RASSF5: variants seen among roughly 807,000 people sequenced by gnomAD.
The protein encoded by RASSF5 is ras association domain-containing protein 5.
A neutral mutation model predicts 40.5 loss-of-function variants in RASSF5; 25 were observed. The observed-to-expected ratio is 0.62, with a 90% CI of 0.45 to 0.86. The LOEUF (loss-of-function observed/expected upper bound fraction) is 0.86, where lower values mean the gene tolerates loss of function less well. RASSF5 is among the 40% of genes least tolerant of loss of function. The pLI is 0.00. For missense variants in RASSF5, 521 were observed against 572.8 expected (o/e 0.91, Z 0.92); for synonymous variants, 246 against 252.4 (o/e 0.97, Z 0.24).
At chr1:206,585,601 C>T (rs1553407483) in intron 5 of RASSF5, 1 of 238,052 alleles carries the variant, frequency 4.2e-6, no homozygotes, top group African/African-American at 2.2e-5. Context: ...TGCTCAGGCA[C>T]AGGCTGTTTT....
Position 206,587,227 on chromosome 1 carries a change from C to T in RASSF5, c.*249C>T, listed in dbSNP as rs538147248. ...GAACTCATGTGAAACAAACAGCTGA[C>T]GTCCTCTCTCGATCTGCAAGCCTTT... On this transcript the variant is annotated 3_prime_UTR_variant, in exon 6 of 6. Coordinates refer to ENST00000579436, the MANE Select transcript of RASSF5 (RefSeq NM_182663.4). 7.9e-4 allele frequency: 357 copies of T among 452,174 alleles called. 5 individuals carry two copies. The highest frequency in any genetic ancestry group is 7.2e-3 in the South Asian group (343 of 47,930). The allele number at this position is 452,174 out of a possible 1,614,324, so 28.0% of individuals were successfully genotyped here. A position where few individuals can be genotyped will look rare whatever the true frequency, so the allele number is the denominator to read the frequency against.
intron 5 of RASSF5, 91 bp downstream of exon 5, chr1:206,585,386 A>G (rs1019462464): frequency 1.1e-6 from 1 of 889,862 alleles, no homozygotes; most frequent in Non-Finnish European, 1.9e-6. Context: ...CATAGGTGGG[A>G]GCCACGCAGC....
intron 2 of RASSF5, among the ~76,000 whole-genome samples, chr1:206,553,167 A>G (rs376227956): frequency 6.8e-4 from 103 of 152,216 alleles, no homozygotes; most frequent in African/African-American, 2.2e-3. Context: ...GCGCCACTGC[A>G]CTCCAGCCTG....
chr1:206,516,994 G>A (rs568720839), intron 1 of RASSF5, among the ~76,000 whole-genome samples: 2 of 152,278 alleles, frequency 1.3e-5, no homozygotes, highest in African/African-American at 4.8e-5. Flanking sequence ...AGGTTGCTTG[G>A]TAAACTAGAG....
At position 206,535,134 on chromosome 1, in the gene RASSF5, T is replaced by C. The variant is rs1455441762; in HGVS notation, c.458-3038T>C. Among the ~76,000 whole-genome samples, 1 of 151,724 alleles carries C rather than the reference T, an allele frequency of 6.6e-6. No individual in the cohort carries two copies. Among genetic ancestry groups the C allele is most frequent in the Non-Finnish European group, 1.5e-5 (1 of 67,930 alleles). The stretch of plus-strand genomic sequence containing the variant: ...AGGAGACTGAGGTGAGCCCGGGAGG[T>C]GGAGTTTGCAGAGAGCCACGATAGT... On this transcript the variant is annotated intron_variant, in intron 1 of 5. Transcript: ENST00000579436. The surrounding 1 kb of genome is among the most constrained non-coding windows in gnomAD (Gnocchi z 5.0).
chr1:206,521,664 C>T (rs987789544), intron 1 of RASSF5, among the ~76,000 whole-genome samples: 1 of 152,228 alleles, frequency 6.6e-6, no homozygotes, highest in Non-Finnish European at 1.5e-5. Context: ...TTTGCCCCTT[C>T]TCAGAGATGA....
rs1456868635 is a variant in RASSF5 at position 206,587,386 on chromosome 1, C to T, written c.*408C>T. ...CCTCTTTGAGTTCTCTTACTTGCCACGTACAGGACCATTATTTATGAGTGA... is the reference window on the plus strand; with the variant it reads ...CCTCTTTGAGTTCTCTTACTTGCCATGTACAGGACCATTATTTATGAGTGA... On this transcript the variant is annotated 3_prime_UTR_variant, in exon 6 of 6. Coordinates refer to ENST00000579436, the MANE Select transcript of RASSF5 (RefSeq NM_182663.4). The T allele has an allele frequency of 1.4e-5, 4 of 295,360 alleles. No individual in the cohort carries two copies. Among genetic ancestry groups the T allele is most frequent in the South Asian group, 3.0e-5 (1 of 32,902 alleles). 18.3% of individuals were successfully genotyped at this position (295,360 alleles called of 1,614,324 possible).
chr1:206,584,578 C>T lies in RASSF5; in HGVS notation c.882C>T (p.Ser294=), dbSNP rs1553407141. ...CCATCAAGCAGCTGCACATCAGCAG[C>T]ACCACCACCGTCAGTGAGGTCATCC... ...LDAIKQLHIS[S]TTTVSEVIQG... Residue 294 remains serine, a synonymous_variant, in exon 4 of 6, where the codon AGC becomes AGT. Coordinates refer to ENST00000579436, the MANE Select transcript of RASSF5 (RefSeq NM_182663.4). This position sits in a 1 kb window ranked among gnomAD's most constrained non-coding sequence, Gnocchi z 4.9. 10 of 1,614,224 alleles carry T rather than the reference C, an allele frequency of 6.2e-6. No homozygotes were observed. The highest frequency in any genetic ancestry group is 1.1e-5 in the South Asian group (1 of 91,088).
At chr1:206,528,656 G>A (rs1553397538) in intron 1 of RASSF5, among the ~76,000 whole-genome samples, 1 of 152,162 alleles carries the variant, frequency 6.6e-6, no homozygotes, top group African/African-American at 2.4e-5. Flanking sequence ...TGCAGCATAT[G>A]TAGGGGCAGG....
rs1209641652 is a variant in RASSF5 at position 206,523,773 on chromosome 1, A to G, written c.458-14399A>G. ...ATATAATATACATAATATATTTTAT[A>G]TATTATATATAATATATTTTATATA... On this transcript the variant is annotated intron_variant, in intron 1 of 5. Coordinates refer to ENST00000579436, the MANE Select transcript of RASSF5 (RefSeq NM_182663.4). Among the ~76,000 whole-genome samples, 5 of 102,230 alleles carry G rather than the reference A, an allele frequency of 4.9e-5. No individual in the cohort carries two copies. In the East Asian group the frequency reaches 1.2e-3, roughly 25 times the overall value. The allele number at this position is 102,230 out of a possible 152,430, so 67.1% of individuals were successfully genotyped here.
chr1:206,561,310 C>A lies in RASSF5; in HGVS notation c.580-21959C>A, dbSNP rs73080931. Among the ~76,000 whole-genome samples, 820 of 152,346 alleles carry A rather than the reference C, an allele frequency of 5.4e-3. 10 individuals carry two copies. Among genetic ancestry groups the A allele is most frequent in the African/African-American group, 0.018 (764 of 41,578 alleles). On this transcript the variant is annotated intron_variant, in intron 2 of 5. Coordinates refer to ENST00000579436, the MANE Select transcript of RASSF5 (RefSeq NM_182663.4). ...TTCTCTTCTTCTTGGTCTTTTCCTACTCAGTAGATGACCCAGGATAGACCG... is the reference window on the plus strand; with the variant it reads ...TTCTCTTCTTCTTGGTCTTTTCCTAATCAGTAGATGACCCAGGATAGACCG...
At chr1:206,528,267 A>G (rs1667148593) in intron 1 of RASSF5, among the ~76,000 whole-genome samples, 1 of 152,166 alleles carries the variant, frequency 6.6e-6, no homozygotes, top group Non-Finnish European at 1.5e-5. Context: ...GGGAGATAAT[A>G]CTAAGTGAAT....
In RASSF5 at chr1:206,546,585, G is replaced by A. The variant is rs139682444; in HGVS notation, c.579+8292G>A. Among the ~76,000 whole-genome samples, 68 of 152,190 alleles carry A rather than the reference G, an allele frequency of 4.5e-4. No individual in the cohort carries two copies. In the East Asian group the frequency reaches 0.012, roughly 26 times the overall value. On this transcript the variant is annotated intron_variant, in intron 2 of 5. Coordinates refer to ENST00000579436, the MANE Select transcript of RASSF5 (RefSeq NM_182663.4). The stretch of plus-strand genomic sequence containing the variant: ...TTTAATGGTTGTCTTAGCATTTACA[G>A]TATATAAATGGTCCTTAATTTATGG...
Position 206,587,151 on chromosome 1 carries a change from A to AGCTGTGCCCGCCCCCAG in RASSF5, c.*183_*199dup, listed in dbSNP as rs570505466. The AGCTGTGCCCGCCCCCAG allele has an allele frequency of 2.7e-6, 2 of 732,670 alleles. No homozygotes were observed. The highest frequency in any genetic ancestry group is 1.7e-5 in the African/African-American group (1 of 57,406). 45.4% of individuals were successfully genotyped at this position (732,670 alleles called of 1,614,324 possible). On this transcript the variant is annotated 3_prime_UTR_variant, in exon 6 of 6. Coordinates refer to ENST00000579436, the MANE Select transcript of RASSF5 (RefSeq NM_182663.4). ...TGGACAAGTGTTTGCACGAGGGTTC[A>AGCTGTGCCCGCCCCCAG]GCTGTGCCCGCCCCCAGGCTGTGCC...
chr1:206,587,044 A>G lies in RASSF5; in HGVS notation c.*66A>G, dbSNP rs1572378236. Reference sequence around the variant, plus strand: ...TTGTATTATTAATTATTATTTTGCAACAGACACTTTTTCTCAGGACATCTC... The same window carrying G: ...TTGTATTATTAATTATTATTTTGCAGCAGACACTTTTTCTCAGGACATCTC... On this transcript the variant is annotated 3_prime_UTR_variant, in exon 6 of 6. Coordinates refer to ENST00000579436, the MANE Select transcript of RASSF5 (RefSeq NM_182663.4). 5.7e-6 allele frequency: 9 copies of G among 1,579,184 alleles called. No individual in the cohort carries two copies. Among genetic ancestry groups the G allele is most frequent in the Non-Finnish European group, 7.8e-6 (9 of 1,159,404 alleles).
chr1:206,582,325 A>G (rs954448707), intron 2 of RASSF5, among the ~76,000 whole-genome samples: 6 of 152,222 alleles, frequency 3.9e-5, no homozygotes, highest in Admixed American at 3.9e-4. Context: ...GCATCTGGGA[A>G]CATATGAGAA....
At chr1:206,580,066 A>G (rs1295104575) in intron 2 of RASSF5, among the ~76,000 whole-genome samples, 4 of 152,174 alleles carry the variant, frequency 2.6e-5, no homozygotes, top group African/African-American at 9.6e-5. Flanking sequence ...TGGTGAGGTC[A>G]GGGCTGCTGT....
chr1:206,527,688 T>A lies in RASSF5; in HGVS notation c.458-10484T>A, dbSNP rs535147002. Among the ~76,000 whole-genome samples, 9 of 152,152 alleles carry A rather than the reference T, an allele frequency of 5.9e-5. No homozygotes were observed. In the South Asian group the frequency reaches 1.7e-3, roughly 28 times the overall value. On this transcript the variant is annotated intron_variant, in intron 1 of 5. Transcript: ENST00000579436. ...GACAGGACCGAAGCCTCAGGTGGGG[T>A]ACTCTCCCTGCTCCCTGCTAGGACA...
rs954068163 is a variant in RASSF5, at chr1:206,586,912, G to C, written c.1191G>C (p.Lys397Asn). ...AGGACAAAATCCAACAAGTGCAAAA[G>C]AAGTATGACAAGTTTAGGCAGAAAC... is the stretch of plus-strand genomic sequence containing the variant. ...EEQDKIQQVQ[K>N]KYDKFRQKLE... is the part of the protein sequence containing the mutation. The change falls in exon 6 of 6, where the codon AAG (lysine) becomes AAC (asparagine). Residue 397 changes from lysine to asparagine, a missense_variant. This residue lies in a region of RASSF5 where 284 missense variants were observed against 360.8 expected (regional missense o/e 0.79). Transcript: ENST00000579436. The C allele has an allele frequency of 2.2e-5, 35 of 1,614,094 alleles. No homozygotes were observed. Among genetic ancestry groups the C allele is most frequent in the Non-Finnish European group, 3.0e-5 (35 of 1,180,026 alleles).
Sources: gnomAD v4.1 joint callset for allele counts (sites outside exome capture counted in the v4.1 genomes callset) on GRCh38, gnomAD v4.1.1 for gene constraint, gnomAD v4.1.1 regional missense constraint, Gnocchi (gnomAD v3.1) non-coding constraint, MANE v1.5 for transcripts, NCBI Gene and HGNC (gene_info 2026-07-23, HGNC 2026-07-21) for gene names.